The following NTN4 variants were observed in gnomAD, a reference collection of about 807,000 sequenced individuals.
The protein encoded by NTN4 is netrin-4.
NTN4 carries 32 observed loss-of-function variants against 73.6 expected under a neutral mutation model. That is an observed-to-expected ratio of 0.44 (90% CI 0.33 to 0.58). The LOEUF is 0.58. Among genes scored for constraint, NTN4 ranks in the 20% least tolerant of loss-of-function variants. NTN4 has a pLI of 0.04. For missense variants in NTN4, 654 were observed against 798.3 expected (o/e 0.82, Z 2.18); for synonymous variants, 258 against 287.5 (o/e 0.90, Z 1.04).
intron 2 of NTN4, among the ~76,000 whole-genome samples, chr12:95,765,904 G>T (rs2079018292): frequency 6.6e-6 from 1 of 152,168 alleles, no homozygotes; most frequent in African/African-American, 2.4e-5. Flanking sequence ...TGCAATGAGA[G>T]AGATGGAACT....
At chr12:95,704,716 T>G (rs571864822) in intron 5 of NTN4, among the ~76,000 whole-genome samples, 1 of 152,014 alleles carries the variant, frequency 6.6e-6, no homozygotes, top group Non-Finnish European at 1.5e-5. Context: ...AGAACCAGAG[T>G]AATATTCTGG....
At chr12:95,734,719 C>T (rs1254833010) in intron 3 of NTN4, among the ~76,000 whole-genome samples, 3 of 152,142 alleles carry the variant, frequency 2.0e-5, no homozygotes, top group African/African-American at 7.2e-5. Flanking sequence ...GTGCAATATG[C>T]TCAGTGAAGC....
chr12:95,689,176 C>T (rs778187386), intron 5 of NTN4, among the ~76,000 whole-genome samples: 9 of 152,096 alleles, frequency 5.9e-5, no homozygotes, highest in Admixed American at 3.3e-4. Flanking sequence ...CTTGGATAAC[C>T]TCATATTCAT....
Position 95,787,487 on chromosome 12 carries a change from G to A in NTN4, c.56-19C>T, listed in dbSNP as rs2079178237. The A allele has an allele frequency of 1.9e-6, 3 of 1,608,596 alleles. No individual in the cohort carries two copies. The highest frequency in any genetic ancestry group is 3.3e-5 in the Admixed American group (2 of 59,822). On this transcript the variant is annotated intron_variant, in intron 1 of 9. Transcript: ENST00000343702. ...CTCAGTCCTAAGAAAGGGAAAGCAT[G>A]CATGATGCAAGACAAACCCATCTGG...
intron 2 of NTN4, among the ~76,000 whole-genome samples, chr12:95,766,399 G>A (rs1289705251): frequency 1.3e-5 from 2 of 152,162 alleles, no homozygotes; most frequent in Non-Finnish European, 2.9e-5. Context: ...AATCCTCTCT[G>A]TACCTTTTCT....
intron 5 of NTN4, among the ~76,000 whole-genome samples, chr12:95,708,327 G>A (rs953313734): frequency 1.4e-5 from 2 of 147,850 alleles, no homozygotes; most frequent in African/African-American, 2.5e-5. Flanking sequence ...TTGCTCTGTC[G>A]CCCAGGCTGG....
chr12:95,677,217 A>G (rs1416933247), intron 7 of NTN4, among the ~76,000 whole-genome samples: 1 of 152,084 alleles, frequency 6.6e-6, no homozygotes, highest in East Asian at 1.9e-4. Flanking sequence ...TGACAGAGTG[A>G]GACTCCAACT....
At chr12:95,738,528 AAG>A (rs369546935) in intron 2 of NTN4, among the ~76,000 whole-genome samples, 16 of 152,284 alleles carry the variant, frequency 1.1e-4, no homozygotes, top group African/African-American at 2.4e-4. Flanking sequence ...CCAGTGAACA[AAG>A]AGAGAGTGGC....
At chr12:95,771,300 T>A (rs2079057764) in intron 2 of NTN4, among the ~76,000 whole-genome samples, 1 of 152,160 alleles carries the variant, frequency 6.6e-6, no homozygotes, top group Non-Finnish European at 1.5e-5. Context: ...AGAATTTGTT[T>A]CTTAGAGATA....
intron 7 of NTN4, chr12:95,672,502 C>T: frequency 6.5e-7 from 1 of 1,539,384 alleles, no homozygotes; most frequent in Non-Finnish European, 9.0e-7. Context: ...GACCCGGACC[C>T]TCTGGACAGT....
intron 2 of NTN4, among the ~76,000 whole-genome samples, chr12:95,742,124 T>G (rs2078830993): frequency 6.6e-6 from 1 of 152,184 alleles, no homozygotes; most frequent in African/African-American, 2.4e-5. Context: ...GAGAAATCCA[T>G]ACAAAGTCCT....
At chr12:95,747,437 G>A (rs956632461) in intron 2 of NTN4, among the ~76,000 whole-genome samples, 1 of 152,048 alleles carries the variant, frequency 6.6e-6, no homozygotes, top group African/African-American at 2.4e-5. Context: ...CTGCGTAGCT[G>A]GGATTACAGG....
chr12:95,709,623 T>G (rs2078548347), intron 5 of NTN4, among the ~76,000 whole-genome samples: 1 of 151,002 alleles, frequency 6.6e-6, no homozygotes, highest in Non-Finnish European at 1.5e-5. Flanking sequence ...AACCTCTGCC[T>G]GCTGGATTCA....
intron 3 of NTN4, among the ~76,000 whole-genome samples, chr12:95,729,121 C>T (rs1259861681): frequency 1.3e-5 from 2 of 152,124 alleles, no homozygotes; most frequent in African/African-American, 4.8e-5. Context: ...AGTGCAAGAA[C>T]AGACTAATAC....
At chr12:95,745,038 T>C (rs370231282) in intron 2 of NTN4, among the ~76,000 whole-genome samples, 18 of 152,142 alleles carry the variant, frequency 1.2e-4, no homozygotes, top group African/African-American at 4.3e-4. Flanking sequence ...TGTTCCTCTG[T>C]ACGTAATGTG....
intron 2 of NTN4, among the ~76,000 whole-genome samples, chr12:95,758,307 A>G (rs2078961196): frequency 1.3e-5 from 2 of 152,064 alleles, no homozygotes; most frequent in Admixed American, 1.3e-4. Flanking sequence ...CTGTGGTTTT[A>G]GTTTGTATTT....
chr12:95,670,641 C>A (rs2078219955), intron 7 of NTN4: 2 of 152,236 alleles, frequency 1.3e-5, no homozygotes, highest in African/African-American at 4.8e-5. Flanking sequence ...CACTTCAGCA[C>A]CATAAAGATA....
Position 95,682,057 on chromosome 12 carries a change from C to CTTTTTTTTTTTTTTTTTTTTTT in NTN4, c.1510+628_1510+649dup, listed in dbSNP as rs557973212. 9.3e-5 allele frequency among the ~76,000 whole-genome samples: 6 copies of CTTTTTTTTTTTTTTTTTTTTTT among 64,546 alleles called. 1 individual carries two copies. Among genetic ancestry groups the CTTTTTTTTTTTTTTTTTTTTTT allele is most frequent in the Non-Finnish European group, 1.3e-4 (5 of 38,704 alleles). The allele number at this position is 64,546 out of a possible 152,430, so 42.3% of individuals were successfully genotyped here. A position where few individuals can be genotyped will look rare whatever the true frequency, so the allele number is the denominator to read the frequency against. On this transcript the variant is annotated intron_variant, in intron 7 of 9. Transcript: ENST00000343702. Reference sequence around the variant, plus strand: ...TTCCAAACCTAATATATTCAGTAGGCTTTTTTTTTTTTTTTTTTTTTTTGA... The same window carrying CTTTTTTTTTTTTTTTTTTTTTT: ...TTCCAAACCTAATATATTCAGTAGGCTTTTTTTTTTTTTTTTTTTTTTTTTTTTTTTTTTTTTTTTTTTTTGA...
At chr12:95,778,879 C>A (rs1313525867) in intron 2 of NTN4, among the ~76,000 whole-genome samples, 2 of 152,302 alleles carry the variant, frequency 1.3e-5, no homozygotes, top group Admixed American at 6.5e-5. Flanking sequence ...AGACCAATAT[C>A]CCTGATGAAC....
Sources: gnomAD v4.1 joint callset for allele counts (sites outside exome capture counted in the v4.1 genomes callset) on GRCh38, gnomAD v4.1.1 for gene constraint, MANE v1.5 for transcripts, NCBI Gene and HGNC (gene_info 2026-07-23, HGNC 2026-07-21) for gene names.